Variants in PIAS2 observed in about 807,000 individuals in gnomAD.
PIAS2 encodes the protein protein inhibitor of activated STAT 2.
A neutral mutation model predicts 69.7 loss-of-function variants in PIAS2; 19 were observed. That is an observed-to-expected ratio of 0.27 (90% CI 0.19 to 0.40). The LOEUF (loss-of-function observed/expected upper bound fraction) is 0.40, where lower values mean the gene tolerates loss of function less well. Among genes scored for constraint, PIAS2 ranks in the 10% least tolerant of loss-of-function variants. The pLI, the probability that PIAS2 is intolerant of heterozygous loss-of-function variation, is 1.00. For missense variants in PIAS2, 624 were observed against 757.0 expected (o/e 0.82, Z 2.06); for synonymous variants, 261 against 263.2 (o/e 0.99, Z 0.08).
intron 1 of PIAS2, among the ~76,000 whole-genome samples, chr18:46,909,488 T>A (rs1486220414): frequency 6.6e-6 from 1 of 152,148 alleles, no homozygotes; most frequent in Non-Finnish European, 1.5e-5. Context: ...TCTCAAGCCA[T>A]CCACCCACCA....
intron 1 of PIAS2, among the ~76,000 whole-genome samples, chr18:46,902,930 T>G (rs914631729): frequency 3.9e-5 from 6 of 152,128 alleles, no homozygotes; most frequent in African/African-American, 1.4e-4. Flanking sequence ...CCCAAATAAT[T>G]TTTGATAAAG....
At chr18:46,823,105 T>A (rs565273745) in intron 11 of PIAS2, among the ~76,000 whole-genome samples, 1 of 148,292 alleles carries the variant, frequency 6.7e-6, no homozygotes, top group African/African-American at 2.5e-5. Flanking sequence ...TATGCTGAAG[T>A]ATGCCTAAGG....
intron 11 of PIAS2, among the ~76,000 whole-genome samples, chr18:46,823,571 A>C (rs1442423424): frequency 6.6e-6 from 1 of 152,182 alleles, no homozygotes; most frequent in Non-Finnish European, 1.5e-5. Flanking sequence ...GTAACATGAA[A>C]CTTTAAATGA....
chr18:46,914,755 A>G (rs760515769), intron 1 of PIAS2, among the ~76,000 whole-genome samples: 2 of 152,102 alleles, frequency 1.3e-5, no homozygotes, highest in South Asian at 2.1e-4. Context: ...TCTCTGTGGC[A>G]TATCAGCAGC....
In PIAS2 at chr18:46,890,924, G is replaced by A. The variant is rs755651941; in HGVS notation, c.155C>T (p.Ala52Val). ...CAATTCTCGGATTTTAATCTGAACC[G>A]CAGGGCTGCAGCCGCTCTTCAATAA... ...LHLLKSGCSPAVQIKIRELYR... is the reference protein window; with the variant it reads ...LHLLKSGCSPVVQIKIRELYR... The change falls in exon 2 of 14, where the codon GCG becomes GTG. Residue 52 changes from alanine (A) to valine (V), a missense_variant. Ala to Val is a moderately conservative substitution (Grantham distance 64, BLOSUM62 0). This residue lies in a region of PIAS2 where 339 missense variants were observed against 408.8 expected (regional missense o/e 0.83). Coordinates refer to ENST00000585916, the MANE Select transcript of PIAS2 (RefSeq NM_004671.5). 17 of 1,613,976 alleles carry A rather than the reference G, an allele frequency of 1.1e-5. No homozygotes were observed. Among genetic ancestry groups the A allele is most frequent in the African/African-American group, 2.7e-5 (2 of 74,894 alleles).
At chr18:46,855,997 GTTTTTTTTTT>G (rs1171297653) in intron 3 of PIAS2, among the ~76,000 whole-genome samples, 9 of 67,966 alleles carry the variant, frequency 1.3e-4, no homozygotes, top group African/African-American at 2.4e-4. Context: ...TTTTTCTTTT[GTTTTTTTTTT>G]TTTTTTTTTT....
intron 9 of PIAS2, among the ~76,000 whole-genome samples, chr18:46,834,237 C>T (rs2044104312): frequency 6.6e-6 from 1 of 152,022 alleles, no homozygotes. Flanking sequence ...TTTCTAAACA[C>T]TTTCAAGGAA....
At chr18:46,913,615 G>A (rs2057496410) in intron 1 of PIAS2, among the ~76,000 whole-genome samples, 1 of 151,646 alleles carries the variant, frequency 6.6e-6, no homozygotes, top group Non-Finnish European at 1.5e-5. Context: ...ATTGAGTGAT[G>A]AGAAGTAGGG....
chr18:46,917,844 G>T (rs1055095470), upstream of PIAS2: 2 of 152,462 alleles, frequency 1.3e-5, no homozygotes, highest in Admixed American at 1.3e-4. Flanking sequence ...CCTTCACGCG[G>T]TGCCTATGGA....
intron 3 of PIAS2, among the ~76,000 whole-genome samples, chr18:46,856,843 C>G (rs534795082): frequency 3.3e-5 from 5 of 152,196 alleles, no homozygotes; most frequent in African/African-American, 1.2e-4. Context: ...CTGGGCCAGT[C>G]TACTCACCGT....
rs869149927 is a variant in PIAS2, at chr18:46,807,383, A to ATATATATATATATT, written c.*5049_*5050insAATATATATATATA. On this transcript the variant is annotated 3_prime_UTR_variant, in exon 14 of 14. Coordinates refer to ENST00000585916, the MANE Select transcript of PIAS2 (RefSeq NM_004671.5). ...TATATATATATATATATATATATAT[A>ATATATATATATATT]TTTTTTTTTTTTTTTTTTTTTTTTT... 2 of 11,602 alleles carry ATATATATATATATT rather than the reference A, an allele frequency of 1.7e-4. No individual in the cohort carries two copies. The highest frequency in any genetic ancestry group is 5.4e-4 in the African/African-American group (1 of 1,846). The allele number at this position is 11,602 out of a possible 1,614,324, so 0.7% of individuals were successfully genotyped here. A position where few individuals can be genotyped will look rare whatever the true frequency, so the allele number is the denominator to read the frequency against.
At chr18:46,861,677 C>T (rs1264534368) in intron 3 of PIAS2, among the ~76,000 whole-genome samples, 3 of 152,146 alleles carry the variant, frequency 2.0e-5, no homozygotes, top group Admixed American at 6.6e-5. Flanking sequence ...AAACATCAGC[C>T]GTACCCCCAA....
At chr18:46,870,016 A>T (rs1221166586) in intron 2 of PIAS2, among the ~76,000 whole-genome samples, 1 of 151,948 alleles carries the variant, frequency 6.6e-6, no homozygotes, top group Non-Finnish European at 1.5e-5. Context: ...ACCTCCGCCA[A>T]ATCCCCCACC....
chr18:46,909,937 C>A (rs530311820), intron 1 of PIAS2, among the ~76,000 whole-genome samples: 52 of 152,132 alleles, frequency 3.4e-4, no homozygotes, highest in African/African-American at 1.2e-3. Context: ...GAGGCCAAGG[C>A]GGGTGGATCA....
At chr18:46,837,619 ATCAACTGTG>A (rs1384845877) in intron 8 of PIAS2, among the ~76,000 whole-genome samples, 19 of 152,218 alleles carry the variant, frequency 1.2e-4, no homozygotes, top group African/African-American at 4.6e-4. Context: ...TTTTTATATA[ATCAACTGTG>A]TCAATTTTTC....
intron 3 of PIAS2, among the ~76,000 whole-genome samples, chr18:46,855,839 T>C (rs1445174202): frequency 1.3e-5 from 2 of 152,148 alleles, no homozygotes; most frequent in Non-Finnish European, 2.9e-5. Context: ...TTAAGGTACC[T>C]TCAATGCACA....
At chr18:46,861,197 C>T (rs990293295) in intron 3 of PIAS2, among the ~76,000 whole-genome samples, 3 of 152,058 alleles carry the variant, frequency 2.0e-5, no homozygotes, top group Non-Finnish European at 4.4e-5. Flanking sequence ...CGAGATTGTG[C>T]CACTGCACTC....
At chr18:46,859,442 A>G (rs1599847428) in intron 3 of PIAS2, among the ~76,000 whole-genome samples, 1 of 151,192 alleles carries the variant, frequency 6.6e-6, no homozygotes, top group South Asian at 2.1e-4. Flanking sequence ...AAAAAAAAAA[A>G]AAAAAAAAAA....
chr18:46,887,222 T>C (rs890047344), intron 2 of PIAS2, among the ~76,000 whole-genome samples: 1 of 151,486 alleles, frequency 6.6e-6, no homozygotes, highest in African/African-American at 2.4e-5. Flanking sequence ...GATCACCAGT[T>C]TTGCTAAAAC....
Sources: gnomAD v4.1 joint callset for allele counts (sites outside exome capture counted in the v4.1 genomes callset) on GRCh38, gnomAD v4.1.1 for gene constraint, gnomAD v4.1.1 regional missense constraint, MANE v1.5 for transcripts, NCBI Gene and HGNC (gene_info 2026-07-23, HGNC 2026-07-21) for gene names.